The following KNG1 variants were observed in gnomAD, a reference collection of about 807,000 sequenced individuals.
KNG1 encodes kininogen 1.
In KNG1, 23 loss-of-function variants were observed where a neutral mutation model predicts 47.8. The ratio of observed to expected loss-of-function variants is 0.48; its 90% CI spans 0.35 to 0.68. The LOEUF (loss-of-function observed/expected upper bound fraction) is 0.68, where lower values mean the gene tolerates loss of function less well. Ranked by LOEUF, KNG1 falls within the 30% of genes least tolerant of loss-of-function variation. The probability of loss-of-function intolerance (pLI) is 0.01; values close to 1 mark genes in which losing one functional copy is unlikely to be tolerated. For synonymous variants in KNG1, 277 were observed against 277.0 expected (o/e 1.00, Z 0.00); for missense variants, 762 against 790.2 (o/e 0.96, Z 0.43).
rs1720533503 is a variant in KNG1 at position 186,731,571 on chromosome 3, A to G, written c.699A>G (p.Ala233=). The change falls in exon 6 of 10, where the codon GCA becomes GCG. Residue 233 remains alanine, a synonymous_variant. Coordinates refer to ENST00000644859, the MANE Select transcript of KNG1 (RefSeq NM_001102416.3). ...ATACCGGTGAATGTACAGATAATGC[A>G]TACATCGATATTCAGCTACGAATTG... ...NGDTGECTDN[A]YIDIQLRIAS... The G allele has an allele frequency of 6.2e-7, 1 of 1,611,348 alleles. No homozygotes were observed. The highest frequency in any genetic ancestry group is 8.5e-7 in the Non-Finnish European group (1 of 1,177,450).
chr3:186,736,454 A>G (rs868784139), intron 7 of KNG1: 15 of 152,206 alleles, frequency 9.9e-5, no homozygotes, highest in Non-Finnish European at 1.5e-4. Context: ...CGTTGGGTTC[A>G]TATTTCAGAT....
chr3:186,735,350 G>T (rs569758952), intron 7 of KNG1, among the ~76,000 whole-genome samples: 2 of 152,254 alleles, frequency 1.3e-5, no homozygotes, highest in Non-Finnish European at 1.5e-5. Context: ...AGGCGTGGTG[G>T]CTCATGCCTG....
chr3:186,718,726 G>A (rs766296432), intron 1 of KNG1, among the ~76,000 whole-genome samples: 1 of 152,060 alleles, frequency 6.6e-6, no homozygotes, highest in Non-Finnish European at 1.5e-5. Context: ...ATGGGAGGGG[G>A]TACTTCATGG....
rs1720746475 is a variant in KNG1 at position 186,739,313 on chromosome 3, T to G, written c.1039-15T>G. The G allele has an allele frequency of 6.2e-7, 1 of 1,610,036 alleles. No homozygotes were observed. Among genetic ancestry groups the G allele is most frequent in the Non-Finnish European group, 8.5e-7 (1 of 1,176,224 alleles). On this transcript the variant is annotated splice_polypyrimidine_tract_variant and intron_variant, in intron 8 of 9. Coordinates refer to ENST00000644859, the MANE Select transcript of KNG1 (RefSeq NM_001102416.3). ...ATAACACTGTCTCTCTTTCGACTTC[T>G]GTTTTCATGGATAGCAAAGCCTAGA...
intron 9 of KNG1, 24 bp from the exon 10 acceptor site, chr3:186,741,498 T>C: frequency 6.3e-7 from 1 of 1,599,178 alleles, no homozygotes; most frequent in East Asian, 2.2e-5. Context: ...CAGTAATACA[T>C]TCATCTTAAT....
At chr3:186,733,175 G>T (rs1278738785) in intron 7 of KNG1, among the ~76,000 whole-genome samples, 1 of 152,132 alleles carries the variant, frequency 6.6e-6, no homozygotes, top group Non-Finnish European at 1.5e-5. Context: ...GAACCTGGGA[G>T]GCAGAGGTTG....
At chr3:186,721,981 G>C (rs915780648) in intron 2 of KNG1, 1 of 172,666 alleles carries the variant, frequency 5.8e-6, no homozygotes, top group Admixed American at 6.0e-5. Context: ...TGGGTGTGGT[G>C]GCACGTGCAT....
At chr3:186,732,374 C>A (rs927704371) in intron 6 of KNG1, 128 bp from the exon 7 acceptor site, 5 of 802,616 alleles carry the variant, frequency 6.2e-6, no homozygotes, top group Non-Finnish European at 4.4e-6. Flanking sequence ...AACCTTCCCC[C>A]ACTCACTACT....
intron 3 of KNG1, among the ~76,000 whole-genome samples, chr3:186,723,330 A>G (rs1043972902): frequency 6.6e-6 from 1 of 152,098 alleles, no homozygotes; most frequent in Admixed American, 6.5e-5. Flanking sequence ...AACTATAGAC[A>G]CTCTAGTCTG....
chr3:186,727,932 C>T (rs1305662245), intron 5 of KNG1, among the ~76,000 whole-genome samples: 11 of 152,118 alleles, frequency 7.2e-5, no homozygotes, highest in Non-Finnish European at 1.6e-4. Flanking sequence ...CTTGAACGGT[C>T]AACTGTATCT....
Position 186,730,683 on chromosome 3 carries a change from A to AATAT in KNG1, c.673-832_673-829dup, listed in dbSNP as rs200151975. 3.6e-4 allele frequency among the ~76,000 whole-genome samples: 14 copies of AATAT among 39,146 alleles called. No homozygotes were observed. The East Asian group carries it at 4.5e-3, about 13-fold the overall frequency. The allele number at this position is 39,146 out of a possible 152,430, so 25.7% of individuals were successfully genotyped here. A position where few individuals can be genotyped will look rare whatever the true frequency, so the allele number is the denominator to read the frequency against. On this transcript the variant is annotated intron_variant, in intron 5 of 9. Transcript: ENST00000644859. Reference sequence around the variant, plus strand: ...AAAAAAAAAAAAAAAAAAAAAAAAAAATATATATATATATATATATATATA... The same window carrying AATAT: ...AAAAAAAAAAAAAAAAAAAAAAAAAAATATATATATATATATATATATATATATA...
chr3:186,731,663 G>A, intron 6 of KNG1, 34 bp downstream of exon 6: 1 of 1,323,662 alleles, frequency 7.6e-7, no homozygotes, highest in Non-Finnish European at 1.1e-6. Flanking sequence ...CCGCAATAGA[G>A]GAATAGTGGT....
intron 1 of KNG1, among the ~76,000 whole-genome samples, chr3:186,718,888 G>A (rs1173475778): frequency 6.6e-6 from 1 of 152,112 alleles, no homozygotes; most frequent in Non-Finnish European, 1.5e-5. Flanking sequence ...GACAAATCCT[G>A]GCAGGATGCA....
intron 7 of KNG1, chr3:186,738,287 T>G (rs1553793774): frequency 6.6e-6 from 1 of 152,172 alleles, no homozygotes; most frequent in Non-Finnish European, 1.5e-5. Context: ...CTAAAATAAT[T>G]TCTTAATATT....
At chr3:186,721,740 C>T (rs1648716) in intron 2 of KNG1, 65,342 of 152,380 alleles carry the variant, frequency 0.43, 14,424 homozygotes, top group South Asian at 0.61. Flanking sequence ...AGTATTAACT[C>T]ACTGAAGTTG....
intron 9 of KNG1, among the ~76,000 whole-genome samples, chr3:186,739,801 C>T (rs1459949555): frequency 6.6e-6 from 1 of 152,194 alleles, no homozygotes; most frequent in Non-Finnish European, 1.5e-5. Context: ...CCTGTTATCC[C>T]AGCACTTTGG....
intron 7 of KNG1, chr3:186,735,799 G>A (rs139119280): frequency 3.3e-5 from 5 of 152,180 alleles, no homozygotes; most frequent in African/African-American, 1.2e-4. Context: ...AAGACCCTTT[G>A]GGCAACAGAG....
At chr3:186,724,229 C>T (rs1720286396) in intron 3 of KNG1, among the ~76,000 whole-genome samples, 1 of 152,160 alleles carries the variant, frequency 6.6e-6, no homozygotes, top group Non-Finnish European at 1.5e-5. Flanking sequence ...TTCTCCATAT[C>T]CTCCTGGCTG....
chr3:186,734,838 G>A (rs1399560748), intron 7 of KNG1: 5 of 151,946 alleles, frequency 3.3e-5, no homozygotes, highest in Non-Finnish European at 7.4e-5. Context: ...ACTCCACCTG[G>A]AAACAAACAA....
Sources: gnomAD v4.1 joint callset for allele counts (sites outside exome capture counted in the v4.1 genomes callset) on GRCh38, gnomAD v4.1.1 for gene constraint, MANE v1.5 for transcripts, NCBI Gene and HGNC (gene_info 2026-07-23, HGNC 2026-07-21) for gene names.